Variants in COL2A1 observed in about 807,000 individuals in gnomAD.
COL2A1 encodes collagen type II alpha 1 chain, also known as collagen alpha-1(II) chain.
A neutral mutation model predicts 204.5 loss-of-function variants in COL2A1; 28 were observed. The observed-to-expected ratio is 0.14, with a 90% CI of 0.10 to 0.19. The LOEUF (loss-of-function observed/expected upper bound fraction) is 0.19. COL2A1 is among the 10% of genes least tolerant of loss of function. The pLI is 1.00. For synonymous variants in COL2A1, 708 were observed against 718.7 expected (o/e 0.99, Z 0.24); for missense variants, 1,388 against 2,027.5 (o/e 0.68, Z 6.06).
At chr12:47,999,870 G>T in intron 2 of COL2A1, 49 bp downstream of exon 2, 1 of 1,528,500 alleles carries the variant, frequency 6.5e-7, no homozygotes, top group Non-Finnish European at 9.1e-7. Context: ...TGTTTGCAGT[G>T]CTTGCAAGTA....
chr12:47,993,582 C>T, intron 14 of COL2A1, 80 bp from the exon 15 acceptor site: 7 of 1,312,656 alleles, frequency 5.3e-6, no homozygotes, highest in Non-Finnish European at 7.7e-6. Flanking sequence ...ACGCCAAAAG[C>T]CCTGGTCATC....
chr12:47,998,491 A>G, intron 2 of COL2A1, 60 bp from the exon 3 acceptor site: 8 of 1,564,594 alleles, frequency 5.1e-6, no homozygotes, highest in Non-Finnish European at 6.1e-6. Flanking sequence ...AAAAATACCT[A>G]TTCTTGTCAC....
In COL2A1 at chr12:47,997,635, C is replaced by A; in HGVS notation, c.502G>T (p.Gly168Cys). 6.2e-7 allele frequency: 1 copy of A among 1,613,688 alleles called. No individual in the cohort carries two copies. Among genetic ancestry groups the A allele is most frequent in the Non-Finnish European group, 8.5e-7 (1 of 1,179,846 alleles). Reference sequence around the variant, plus strand: ...CCAAGACCAGGGGGACCAGGGGGGCCGGGAGGACCAGGGGGGCCAGGATTT... The same window carrying A: ...CCAAGACCAGGGGGACCAGGGGGGCAGGGAGGACCAGGGGGGCCAGGATTT... ...PGNPGPPGPP[G>C]PPGPPGLGGN... Residue 168 changes from glycine to cysteine, a missense_variant, in exon 7 of 54, where the codon GGC (glycine) becomes TGC (cysteine). By Grantham distance (159) the Gly-to-Cys change is radical. Transcript: ENST00000380518.
intron 33 of COL2A1, 55 bp from the exon 34 acceptor site, chr12:47,982,664 ATG>A: frequency 7.1e-7 from 1 of 1,398,756 alleles, no homozygotes; most frequent in East Asian, 2.3e-5. Context: ...CCCTGAACCC[ATG>A]TTCATGGAGC....
Position 47,980,687 on chromosome 12 carries a change from G to A in COL2A1, c.2518-26C>T. The A allele has an allele frequency of 6.3e-7, 1 of 1,595,360 alleles. No homozygotes were observed. The highest frequency in any genetic ancestry group is 2.3e-5 in the East Asian group (1 of 44,404). ...CTATAATGGGAAGGAGGAAGCAGGT[G>A]AATGAGGGGCAGGCTAAAACCCTGG... On this transcript the variant is annotated intron_variant, in intron 38 of 53. Transcript: ENST00000380518. This position sits in a 1 kb window ranked among gnomAD's most constrained non-coding sequence, Gnocchi z 4.5.
Position 47,976,872 on chromosome 12 carries a change from G to A in COL2A1, c.3375C>T (p.Gly1125=), listed in dbSNP as rs543083152. ...RGDKGEAGEP[G]ERGLKGHRGF... The stretch of plus-strand genomic sequence containing the variant: ...CACGGTGTCCCTTCAGGCCTCTCTC[G>A]CCAGGCTCTCCAGCCTCTCCTTTGT... The change falls in exon 48 of 54, where the codon GGC becomes GGT. Residue 1125 remains glycine, a synonymous_variant. Coordinates refer to ENST00000380518, the MANE Select transcript of COL2A1 (RefSeq NM_001844.5). The surrounding 1 kb of genome is among the most constrained non-coding windows in gnomAD (Gnocchi z 4.3). The A allele has an allele frequency of 2.2e-5, 36 of 1,612,338 alleles. No individual in the cohort carries two copies. Among genetic ancestry groups the A allele is most frequent in the East Asian group, 1.1e-4 (5 of 44,840 alleles).
In COL2A1 at chr12:47,992,865, G is replaced by T; in HGVS notation, c.1023+13C>A. ...TCGGCAAATGGTGGTGTTTGGCTTT[G>T]TCAATTACTCACCGCAGCGCCAGCA... is the stretch of plus-strand genomic sequence containing the variant. On this transcript the variant is annotated intron_variant, in intron 16 of 53. Coordinates refer to ENST00000380518, the MANE Select transcript of COL2A1 (RefSeq NM_001844.5). The T allele has an allele frequency of 6.2e-7, 1 of 1,614,024 alleles. No homozygotes were observed. The highest frequency in any genetic ancestry group is 8.5e-7 in the Non-Finnish European group (1 of 1,179,880).
At chr12:47,995,385 G>T in intron 10 of COL2A1, 77 bp from the exon 11 acceptor site, 1 of 1,287,922 alleles carries the variant, frequency 7.8e-7, no homozygotes, top group Non-Finnish European at 1.1e-6. Flanking sequence ...CTTTGACATT[G>T]TAGTTTTGGA....
At chr12:47,982,722 T>G in intron 33 of COL2A1, 113 bp from the exon 34 acceptor site, 1 of 1,230,206 alleles carries the variant, frequency 8.1e-7, no homozygotes, top group Non-Finnish European at 1.2e-6. Flanking sequence ...CTTCCTCCCA[T>G]GTAGACCTCC....
chr12:47,992,391 A>G (rs1341826102), intron 16 of COL2A1, among the ~76,000 whole-genome samples: 2 of 152,206 alleles, frequency 1.3e-5, no homozygotes, highest in African/African-American at 4.8e-5. Context: ...AGTAAAGCAT[A>G]TAGGGTATTA....
Position 47,973,422 on chromosome 12 carries a change from C to A in COL2A1, c.4449G>T (p.Pro1483=). 6.2e-7 allele frequency: 1 copy of A among 1,614,074 alleles called. No homozygotes were observed. The highest frequency in any genetic ancestry group is 8.5e-7 in the Non-Finnish European group (1 of 1,180,020). The part of the protein sequence containing the change: ...PEQEFGVDIG[P]VCFL ...GTTCAGGTTTTTACAAGAAGCAGACCGGCCCTATGTCCACACCGAATTCCT... is the reference window on the plus strand; with the variant it reads ...GTTCAGGTTTTTACAAGAAGCAGACAGGCCCTATGTCCACACCGAATTCCT... The change falls in exon 54 of 54, where the codon CCG becomes CCT. Residue 1483 remains proline, a synonymous_variant. Transcript: ENST00000380518.
At chr12:47,986,235 C>T (rs944563077) in intron 23 of COL2A1, 101 bp downstream of exon 23, 34 of 871,310 alleles carry the variant, frequency 3.9e-5, no homozygotes, top group African/African-American at 1.2e-4. Flanking sequence ...GGATGACATG[C>T]GGAAAAGTCA....
chr12:47,984,447 G>A, intron 28 of COL2A1, 99 bp downstream of exon 28: 3 of 1,252,012 alleles, frequency 2.4e-6, no homozygotes, highest in Non-Finnish European at 3.5e-6. Flanking sequence ...ACTCAATACT[G>A]AGGGGTCCCG....
chr12:47,990,781 G>T (rs1205272297), intron 16 of COL2A1, among the ~76,000 whole-genome samples: 1 of 152,220 alleles, frequency 6.6e-6, no homozygotes, highest in Admixed American at 6.5e-5. Flanking sequence ...TGCCAAGTTT[G>T]TGGTGGCACC....
In COL2A1 at chr12:47,998,150, G is replaced by A. The variant is rs371439250; in HGVS notation, c.342+19C>T. On this transcript the variant is annotated intron_variant, in intron 4 of 53. Transcript: ENST00000380518. ...TAGAGCAGCAGCTGCAATACCGGGT[G>A]AGAATAATTTGCACTTACATCCTTG... 16 of 1,614,056 alleles carry A rather than the reference G, an allele frequency of 9.9e-6. No individual in the cohort carries two copies. Among genetic ancestry groups the A allele is most frequent in the African/African-American group, 1.3e-5 (1 of 74,930 alleles).
chr12:47,989,788 A>G lies in COL2A1; in HGVS notation c.1041T>C (p.Asp347=), dbSNP rs1939616462. Residue 347 remains aspartate, a synonymous_variant, in exon 17 of 54, where the codon GAT becomes GAC. Coordinates refer to ENST00000380518, the MANE Select transcript of COL2A1 (RefSeq NM_001844.5). The part of the protein sequence containing the change: ...PAGAAGARGN[D]GQPGPAGPPG... ...GAGGCCCTGCGGGGCCTGGCTGACC[A>G]TCGTTGCCTCGGGCACCCTGTGAGC... 1.9e-6 allele frequency: 3 copies of G among 1,613,516 alleles called. No individual in the cohort carries two copies. The highest frequency in any genetic ancestry group is 2.5e-6 in the Non-Finnish European group (3 of 1,180,004).
At chr12:47,975,726 G>T in intron 50 of COL2A1, 121 bp from the exon 51 acceptor site, 1 of 1,135,032 alleles carries the variant, frequency 8.8e-7, no homozygotes, top group Non-Finnish European at 1.3e-6. Context: ...GGGCGGAGGT[G>T]TAGCAGGCGA....
rs2136612620 is a variant in COL2A1 at position 47,994,458 on chromosome 12, C to T, written c.782G>A (p.Gly261Glu). The change falls in exon 12 of 54, where the codon GGA becomes GAA. Residue 261 changes from glycine to glutamate, a missense_variant. Transcript: ENST00000380518. ...PGDDGEAGKPGKAGERGPPGP... is the reference protein window; with the variant it reads ...PGDDGEAGKPEKAGERGPPGP... Reference sequence around the variant, plus strand: ...AGGCGGACCCCTTTCACCAGCTTTTCCAGGTTTTCCAGCTTCACCCTGAAG... The same window carrying T: ...AGGCGGACCCCTTTCACCAGCTTTTTCAGGTTTTCCAGCTTCACCCTGAAG... 6.2e-7 allele frequency: 1 copy of T among 1,614,018 alleles called. No individual in the cohort carries two copies. The highest frequency in any genetic ancestry group is 8.5e-7 in the Non-Finnish European group (1 of 1,180,022).
chr12:47,989,634 C>T (rs1939605998), intron 17 of COL2A1, 127 bp downstream of exon 17: 2 of 841,566 alleles, frequency 2.4e-6, no homozygotes, highest in Admixed American at 1.7e-5. Context: ...TCTCTTTCCT[C>T]CCCCTTTCCA....
Sources: allele counts gnomAD v4.1 joint callset (sites outside exome capture counted in the v4.1 genomes callset), GRCh38; gene constraint gnomAD v4.1.1; non-coding constraint Gnocchi (gnomAD v3.1); transcripts MANE v1.5; gene names NCBI Gene and HGNC (gene_info 2026-07-23, HGNC 2026-07-21).